KCNN2: variants seen among roughly 807,000 people sequenced by gnomAD.
The protein encoded by KCNN2 is small conductance calcium-activated potassium channel protein 2.
In KCNN2, 24 loss-of-function variants were observed where a neutral mutation model predicts 55.5. The ratio of observed to expected loss-of-function variants is 0.43; its 90% CI spans 0.31 to 0.61. The LOEUF is 0.61. Ranked by LOEUF, KCNN2 falls within the 20% of genes least tolerant of loss-of-function variation. The pLI, the probability that KCNN2 is intolerant of heterozygous loss-of-function variation, is 0.08. For missense variants in KCNN2, 754 were observed against 853.6 expected, an observed-to-expected ratio of 0.88 and a Z score of 1.45; for synonymous variants, 431 against 336.1, an observed-to-expected ratio of 1.28 and a Z score of -3.09.
chr5:114,265,843 C>T lies in KCNN2; in HGVS notation c.-185+44278C>T, dbSNP rs1163661418. Among the ~76,000 whole-genome samples, 3 of 152,128 alleles carry T rather than the reference C, an allele frequency of 2.0e-5. 1 individual carries two copies. The highest frequency in any genetic ancestry group is 2.9e-5 in the Non-Finnish European group (2 of 68,032). On this transcript the variant is annotated intron_variant, in intron 2 of 10. Transcript: ENST00000512097. ...GGAACACTGGTGTTTGTTGACTACT[C>T]ACCCTGTGCTCTTTGCCAGGCACTG... is the stretch of plus-strand genomic sequence containing the variant.
At chr5:114,062,341 G>C (rs780227834) in intron 1 of KCNN2, among the ~76,000 whole-genome samples, 1 of 152,148 alleles carries the variant, frequency 6.6e-6, no homozygotes, top group Non-Finnish European at 1.5e-5. Flanking sequence ...GGATGATTTT[G>C]GCTGTAGTGG....
At chr5:114,228,048 A>G (rs1027595980) in intron 2 of KCNN2, among the ~76,000 whole-genome samples, 8 of 151,580 alleles carry the variant, frequency 5.3e-5, no homozygotes, top group African/African-American at 1.9e-4. Flanking sequence ...GAAGGAGATG[A>G]TGATAAAGTT....
intron 1 of KCNN2, among the ~76,000 whole-genome samples, chr5:114,188,284 T>G (rs1753380414): frequency 6.6e-6 from 1 of 152,150 alleles, no homozygotes; most frequent in South Asian, 2.1e-4. Context: ...AAGAGAAATT[T>G]TATTACTCTT....
At chr5:114,398,943 C>G (rs1758701199) in intron 2 of KCNN2, among the ~76,000 whole-genome samples, 1 of 152,112 alleles carries the variant, frequency 6.6e-6, no homozygotes, top group Non-Finnish European at 1.5e-5. Context: ...AACTTTTGTG[C>G]AGAGACTATG....
intron 2 of KCNN2, among the ~76,000 whole-genome samples, chr5:114,332,006 G>A (rs1164427799): frequency 6.6e-6 from 1 of 152,134 alleles, no homozygotes; most frequent in Non-Finnish European, 1.5e-5. Context: ...TAATACAAAA[G>A]ATAAAAACCA....
intron 3 of KCNN2, among the ~76,000 whole-genome samples, chr5:114,411,492 T>C (rs1418385372): frequency 6.6e-6 from 1 of 151,978 alleles, no homozygotes; most frequent in Non-Finnish European, 1.5e-5. Context: ...AAGCCTCAGA[T>C]CCAAGGAAGC....
intron 2 of KCNN2, among the ~76,000 whole-genome samples, chr5:114,235,496 T>G (rs1210023626): frequency 1.3e-5 from 2 of 152,224 alleles, no homozygotes; most frequent in Admixed American, 6.5e-5. Flanking sequence ...GATTCATAAA[T>G]GGAAAGCCTA....
At chr5:114,163,795 T>A (rs536430190) in intron 1 of KCNN2, among the ~76,000 whole-genome samples, 1 of 152,212 alleles carries the variant, frequency 6.6e-6, no homozygotes, top group Admixed American at 6.5e-5. Flanking sequence ...TGAAGAGGCA[T>A]ATGAAGTGCT....
At chr5:114,141,816 C>T (rs556582128) in intron 1 of KCNN2, among the ~76,000 whole-genome samples, 166 of 152,180 alleles carry the variant, frequency 1.1e-3, no homozygotes, top group South Asian at 4.4e-3. Flanking sequence ...TTTTAATGAT[C>T]GCCATTCTAA....
At chr5:114,247,908 A>G (rs1257343557) in intron 2 of KCNN2, among the ~76,000 whole-genome samples, 1 of 151,726 alleles carries the variant, frequency 6.6e-6, no homozygotes, top group Admixed American at 6.6e-5. Flanking sequence ...CTCCTTGTGC[A>G]TCTCAGTATA....
intron 1 of KCNN2, among the ~76,000 whole-genome samples, chr5:114,110,173 T>G (rs530273785): frequency 5.6e-4 from 85 of 152,146 alleles, no homozygotes; most frequent in Admixed American, 1.2e-3. Context: ...TATCTATCTT[T>G]TATAAATTAC....
At chr5:114,477,772 T>C (rs1040627570) in intron 5 of KCNN2, among the ~76,000 whole-genome samples, 1 of 152,148 alleles carries the variant, frequency 6.6e-6, no homozygotes, top group Non-Finnish European at 1.5e-5. Context: ...AAACAAGCAA[T>C]TCCAAAACCC....
At chr5:114,202,253 G>C (rs1044742056) in intron 1 of KCNN2, among the ~76,000 whole-genome samples, 4 of 151,910 alleles carry the variant, frequency 2.6e-5, no homozygotes, top group African/African-American at 9.7e-5. Flanking sequence ...AGGCAGCTCT[G>C]TATGCCAGGC....
chr5:114,433,194 A>G (rs1759863461), intron 3 of KCNN2, among the ~76,000 whole-genome samples: 1 of 152,174 alleles, frequency 6.6e-6, no homozygotes, highest in Non-Finnish European at 1.5e-5. Flanking sequence ...CAGGGATTGT[A>G]AATACACCAA....
At chr5:114,334,023 C>T (rs923378078) in intron 2 of KCNN2, among the ~76,000 whole-genome samples, 11 of 152,258 alleles carry the variant, frequency 7.2e-5, no homozygotes, top group African/African-American at 2.4e-4. Context: ...AAGATTTCTT[C>T]ACATGTTTTG....
intron 1 of KCNN2, among the ~76,000 whole-genome samples, chr5:114,159,554 A>G (rs958173008): frequency 3.3e-5 from 5 of 152,030 alleles, no homozygotes; most frequent in African/African-American, 1.2e-4. Context: ...TTTTCTATTG[A>G]TTGGGATAGT....
At chr5:114,289,898 C>G (rs1279162869) in intron 2 of KCNN2, among the ~76,000 whole-genome samples, 1 of 152,084 alleles carries the variant, frequency 6.6e-6, no homozygotes, top group Non-Finnish European at 1.5e-5. Context: ...AAATTCATTT[C>G]TAGGCATTTT....
chr5:114,203,231 T>C (rs1170995384), intron 1 of KCNN2, among the ~76,000 whole-genome samples: 1 of 152,202 alleles, frequency 6.6e-6, no homozygotes, highest in Non-Finnish European at 1.5e-5. Flanking sequence ...ATTATGTCTC[T>C]TTTGCTGATT....
chr5:114,086,473 C>A (rs894940404), intron 1 of KCNN2, among the ~76,000 whole-genome samples: 24 of 151,262 alleles, frequency 1.6e-4, no homozygotes, highest in African/African-American at 5.6e-4. Flanking sequence ...CTGTTGTTGC[C>A]ATTTTTATGT....
Sources: gnomAD v4.1 joint callset for allele counts (sites outside exome capture counted in the v4.1 genomes callset) on GRCh38, gnomAD v4.1.1 for gene constraint, MANE v1.5 for transcripts, NCBI Gene and HGNC (gene_info 2026-07-23, HGNC 2026-07-21) for gene names.